The following GRM8 variants were observed in gnomAD, a reference collection of about 807,000 sequenced individuals.
GRM8 encodes glutamate metabotropic receptor 8.
GRM8 carries 47 observed loss-of-function variants against 87.2 expected under a neutral mutation model. The ratio of observed to expected loss-of-function variants is 0.54; its 90% CI spans 0.43 to 0.69. GRM8 has a LOEUF of 0.69. Among genes scored for constraint, GRM8 ranks in the 30% least tolerant of loss-of-function variants. GRM8 has a pLI of 0.00. For missense variants in GRM8, 1,019 were observed against 1,139.2 expected (o/e 0.89, Z 1.52); for synonymous variants, 396 against 404.5 (o/e 0.98, Z 0.25).
At chr7:126,568,860 T>G (rs1794459828) in intron 8 of GRM8, among the ~76,000 whole-genome samples, 1 of 152,098 alleles carries the variant, frequency 6.6e-6, no homozygotes, top group Non-Finnish European at 1.5e-5. Flanking sequence ...GGAAATCATT[T>G]CAAAGGGATT....
chr7:126,909,505 C>T (rs1291778814), intron 3 of GRM8, among the ~76,000 whole-genome samples: 1 of 152,260 alleles, frequency 6.6e-6, no homozygotes, highest in African/African-American at 2.4e-5. Flanking sequence ...GGGACTTTAA[C>T]TTTCCTATTC....
chr7:127,000,124 G>T (rs758810436), intron 3 of GRM8, among the ~76,000 whole-genome samples: 7 of 151,936 alleles, frequency 4.6e-5, no homozygotes, highest in Non-Finnish European at 8.9e-5. Context: ...ATTATGTTAA[G>T]TGAAATAAGC....
chr7:126,616,339 C>A (rs1329742990), intron 7 of GRM8, among the ~76,000 whole-genome samples: 1 of 152,142 alleles, frequency 6.6e-6, no homozygotes, highest in African/African-American at 2.4e-5. Context: ...AGAACAAAGA[C>A]ACAACATAAC....
chr7:127,076,722 C>A (rs1770748875), intron 3 of GRM8, among the ~76,000 whole-genome samples: 1 of 152,172 alleles, frequency 6.6e-6, no homozygotes, highest in African/African-American at 2.4e-5. Flanking sequence ...TGCTCTTGGC[C>A]ATCGTGTCCA....
intron 6 of GRM8, among the ~76,000 whole-genome samples, chr7:126,822,833 A>C (rs138858213): frequency 1.3e-5 from 2 of 152,216 alleles, no homozygotes; most frequent in Non-Finnish European, 2.9e-5. Flanking sequence ...ATGCATCTAC[A>C]TATCTGGTTT....
At chr7:126,782,808 G>C (rs545991919) in intron 6 of GRM8, among the ~76,000 whole-genome samples, 5 of 152,276 alleles carry the variant, frequency 3.3e-5, no homozygotes, top group African/African-American at 1.2e-4. Context: ...TCTTGCCTCT[G>C]TACAATGCAG....
intron 1 of GRM8, among the ~76,000 whole-genome samples, chr7:127,251,723 C>A (rs916990492): frequency 6.6e-6 from 1 of 151,360 alleles, no homozygotes; most frequent in African/African-American, 2.4e-5. Context: ...CGCGCGGGGC[C>A]GCCCGAAACT....
At chr7:127,093,382 A>G (rs1441017774) in intron 3 of GRM8, among the ~76,000 whole-genome samples, 1 of 152,162 alleles carries the variant, frequency 6.6e-6, no homozygotes, top group Non-Finnish European at 1.5e-5. Context: ...GAATAATTCC[A>G]TCTATCGCAG....
chr7:126,609,811 T>G (rs913097429), intron 7 of GRM8, among the ~76,000 whole-genome samples: 1 of 152,204 alleles, frequency 6.6e-6, no homozygotes, highest in African/African-American at 2.4e-5. Flanking sequence ...ACTGGCTACA[T>G]AGTATGATAG....
intron 3 of GRM8, among the ~76,000 whole-genome samples, chr7:126,923,253 C>T (rs572054714): frequency 4.0e-4 from 61 of 152,114 alleles, no homozygotes; most frequent in African/African-American, 1.4e-3. Context: ...GAACAAAATC[C>T]AGAAAACAAC....
intron 7 of GRM8, among the ~76,000 whole-genome samples, chr7:126,688,749 C>A: frequency 6.6e-6 from 1 of 151,612 alleles, no homozygotes; most frequent in East Asian, 1.9e-4. Flanking sequence ...GACACACACA[C>A]ACACACACAC....
chr7:127,044,663 A>G (rs1247144314), intron 3 of GRM8, among the ~76,000 whole-genome samples: 8 of 152,106 alleles, frequency 5.3e-5, no homozygotes, highest in Non-Finnish European at 1.2e-4. Context: ...ATTTAGAGGG[A>G]CTGTCCAGCC....
chr7:127,015,769 T>C (rs1171144429), intron 3 of GRM8, among the ~76,000 whole-genome samples: 1 of 152,124 alleles, frequency 6.6e-6, no homozygotes, highest in Non-Finnish European at 1.5e-5. Flanking sequence ...CTGATTTTCC[T>C]ATTTCATTAG....
intron 9 of GRM8, 56 bp downstream of exon 9, chr7:126,532,896 T>C (rs1815079036): frequency 9.8e-7 from 1 of 1,024,432 alleles, no homozygotes; most frequent in South Asian, 1.5e-5. Context: ...AAAAGCATCC[T>C]AAAAGAAGAT....
intron 1 of GRM8, among the ~76,000 whole-genome samples, chr7:127,243,784 A>AT (rs1798436829): frequency 6.6e-6 from 1 of 152,158 alleles, no homozygotes; most frequent in Non-Finnish European, 1.5e-5. Flanking sequence ...ATCTTATTTC[A>AT]ATAAACCTTA....
At chr7:126,593,076 G>GA (rs1796843213) in intron 8 of GRM8, among the ~76,000 whole-genome samples, 2 of 151,898 alleles carry the variant, frequency 1.3e-5, no homozygotes, top group South Asian at 2.1e-4. Context: ...TCTATACATT[G>GA]AAAATTATGA....
chr7:126,752,669 T>A (rs1816558953), intron 7 of GRM8, among the ~76,000 whole-genome samples: 1 of 152,122 alleles, frequency 6.6e-6, no homozygotes, highest in Non-Finnish European at 1.5e-5. Flanking sequence ...AATAATATAC[T>A]TTTTAGCACA....
At chr7:127,130,364 G>T (rs368211219) in intron 2 of GRM8, among the ~76,000 whole-genome samples, 1 of 152,134 alleles carries the variant, frequency 6.6e-6, no homozygotes, top group African/African-American at 2.4e-5. Flanking sequence ...GAGGGCTCAG[G>T]AGACAGAAGA....
intron 7 of GRM8, among the ~76,000 whole-genome samples, chr7:126,617,833 A>C (rs1585240802): frequency 1.3e-5 from 2 of 152,010 alleles, no homozygotes; most frequent in Non-Finnish European, 2.9e-5. Context: ...ATGTGAAGGA[A>C]CTCTTCAAGG....
Sources: allele counts gnomAD v4.1 joint callset (sites outside exome capture counted in the v4.1 genomes callset), GRCh38; gene constraint gnomAD v4.1.1; transcripts MANE v1.5; gene names NCBI Gene and HGNC (gene_info 2026-07-23, HGNC 2026-07-21).